Variants in SYNDIG1L observed in about 807,000 individuals in gnomAD.
The protein encoded by SYNDIG1L is synapse differentiation-inducing gene protein 1-like.
SYNDIG1L carries 13 observed loss-of-function variants against 20.1 expected under a neutral mutation model. The ratio of observed to expected loss-of-function variants is 0.65; its 90% CI spans 0.42 to 1.03. The LOEUF is 1.03. SYNDIG1L is among the 50% of genes least tolerant of loss of function. The probability of loss-of-function intolerance (pLI) is 0.00; values close to 1 mark genes in which losing one functional copy is unlikely to be tolerated. For missense variants in SYNDIG1L, 294 were observed against 305.1 expected (o/e 0.96, Z 0.27); for synonymous variants, 128 against 129.3 (o/e 0.99, Z 0.07).
At chr14:74,446,947 C>A in the SYNDIG1L span, among the ~76,000 whole-genome samples, 1 of 152,058 alleles carries the variant, frequency 6.6e-6, no homozygotes, top group Non-Finnish European at 1.5e-5. Flanking sequence ...GCATTCAAAA[C>A]CTAAGATATG....
Position 74,409,623 on chromosome 14 carries a change from T to C in SYNDIG1L, c.122A>G (p.Tyr41Cys). ...SWSCQEKLYS[Y>C]LLGGAGPAGA... ...GGCAGGCCCAGCGCCACCTAGGAGG[T>C]AGGAGTAGAGCTTTTCCTGGCAGGA... Residue 41 changes from tyrosine (Y) to cysteine (C), a missense_variant, in exon 2 of 4, where the codon TAC (tyrosine) becomes TGC (cysteine). Transcript: ENST00000331628. 2 of 1,503,794 alleles carry C rather than the reference T, an allele frequency of 1.3e-6. No individual in the cohort carries two copies. Among genetic ancestry groups the C allele is most frequent in the Non-Finnish European group, 1.8e-6 (2 of 1,127,742 alleles). The allele number at this position is 1,503,794 out of a possible 1,614,324, so 93.2% of individuals were successfully genotyped here.
chr14:74,430,684 C>A (rs912200593), upstream of SYNDIG1L, among the ~76,000 whole-genome samples: 18 of 152,196 alleles, frequency 1.2e-4, no homozygotes. Flanking sequence ...ATCCACCCGC[C>A]TTGGCCTCCC....
the SYNDIG1L span, among the ~76,000 whole-genome samples, chr14:74,460,863 G>T: frequency 7.9e-5 from 12 of 152,326 alleles, no homozygotes; most frequent in African/African-American, 2.9e-4. Context: ...TGGCCAGGCT[G>T]GTCTTGAACT....
At chr14:74,438,671 A>C in the SYNDIG1L span, among the ~76,000 whole-genome samples, 1 of 152,320 alleles carries the variant, frequency 6.6e-6, no homozygotes, top group South Asian at 2.1e-4. Flanking sequence ...GACCCTGGGC[A>C]ATCTTACATT....
At chr14:74,427,118 CTTTTT>C (rs34437070), upstream of SYNDIG1L, among the ~76,000 whole-genome samples, 47 of 116,774 alleles carry the variant, frequency 4.0e-4, no homozygotes, top group South Asian at 1.4e-3. Flanking sequence ...CCTGCGTTTC[CTTTTT>C]TTTTTTTTTT....
At chr14:74,421,240 G>A (rs940363762) in intron 1 of SYNDIG1L, among the ~76,000 whole-genome samples, 8 of 152,064 alleles carry the variant, frequency 5.3e-5, no homozygotes, top group South Asian at 2.1e-4. Flanking sequence ...AATAATCGCC[G>A]AAATTTTCAA....
At chr14:74,447,586 C>CA in the SYNDIG1L span, among the ~76,000 whole-genome samples, 846 of 131,554 alleles carry the variant, frequency 6.4e-3, 6 homozygotes, top group African/African-American at 0.012. Flanking sequence ...AACTCTGTCT[C>CA]AAAAAAAAAA....
rs1264626033 is a variant in SYNDIG1L, at chr14:74,405,970, G to A, written c.*1565C>T. The A allele has an allele frequency of 2.0e-5, 8 of 398,790 alleles. No individual in the cohort carries two copies. Among genetic ancestry groups the A allele is most frequent in the Admixed American group, 1.3e-4 (3 of 22,714 alleles). 24.7% of individuals were successfully genotyped at this position (398,790 alleles called of 1,614,324 possible). A position where few individuals can be genotyped will look rare whatever the true frequency, so the allele number is the denominator to read the frequency against. On this transcript the variant is annotated 3_prime_UTR_variant, in exon 4 of 4. Coordinates refer to ENST00000331628, the MANE Select transcript of SYNDIG1L (RefSeq NM_001105579.2). ...ACCTTAAAACTGCTGTGATGCAGGAGTGGAGGGCTGGGCAGTGCCCGAGGC... is the reference window on the plus strand; with the variant it reads ...ACCTTAAAACTGCTGTGATGCAGGAATGGAGGGCTGGGCAGTGCCCGAGGC...
chr14:74,435,727 G>C, the SYNDIG1L span, among the ~76,000 whole-genome samples: 2 of 152,194 alleles, frequency 1.3e-5, no homozygotes, highest in South Asian at 4.1e-4. Context: ...ACGACTGCTG[G>C]AACTGGGGCT....
chr14:74,432,199 G>GAA, the SYNDIG1L span, among the ~76,000 whole-genome samples: 18 of 151,398 alleles, frequency 1.2e-4, no homozygotes, highest in African/African-American at 4.1e-4. Flanking sequence ...GAGAGAGAGA[G>GAA]AAAGGGAGAA....
At chr14:74,408,515 G>A (rs1436156616) in intron 2 of SYNDIG1L, among the ~76,000 whole-genome samples, 2 of 147,348 alleles carry the variant, frequency 1.4e-5, no homozygotes, top group Non-Finnish European at 3.0e-5. Flanking sequence ...AGTGAGCTGA[G>A]ATCGCACCTT....
intron 1 of SYNDIG1L, among the ~76,000 whole-genome samples, chr14:74,410,030 G>T (rs945941845): frequency 1.3e-5 from 2 of 152,198 alleles, no homozygotes; most frequent in Non-Finnish European, 2.9e-5. Flanking sequence ...TTAGTCATTT[G>T]TCCATTCAAC....
upstream of SYNDIG1L, among the ~76,000 whole-genome samples, chr14:74,428,323 C>A (rs577532204): frequency 5.3e-4 from 81 of 152,336 alleles, no homozygotes; most frequent in South Asian, 1.0e-3. Context: ...TCACAAGGTA[C>A]AGGGGTGGCT....
the SYNDIG1L span, among the ~76,000 whole-genome samples, chr14:74,471,258 C>T: frequency 1.3e-5 from 2 of 152,100 alleles, no homozygotes; most frequent in Non-Finnish European, 2.9e-5. Context: ...GAAGTAGTTC[C>T]AACTCTCTCT....
At chr14:74,423,052 C>G (rs1439407474) in intron 1 of SYNDIG1L, among the ~76,000 whole-genome samples, 1 of 152,032 alleles carries the variant, frequency 6.6e-6, no homozygotes, top group Admixed American at 6.6e-5. Context: ...CTCAGCAGCC[C>G]CCCCGCCCCC....
the SYNDIG1L span, among the ~76,000 whole-genome samples, chr14:74,463,460 A>T: frequency 6.6e-6 from 1 of 151,916 alleles, no homozygotes; most frequent in Admixed American, 6.6e-5. Context: ...CTGCACACCA[A>T]ACTCTCCATG....
At chr14:74,430,350 G>C (rs1374129146), upstream of SYNDIG1L, among the ~76,000 whole-genome samples, 1 of 152,204 alleles carries the variant, frequency 6.6e-6, no homozygotes, top group Admixed American at 6.5e-5. Flanking sequence ...GGGGGTGCCA[G>C]GGTGGGGCTT....
At chr14:74,419,050 C>T (rs1333570194) in intron 1 of SYNDIG1L, among the ~76,000 whole-genome samples, 1 of 152,146 alleles carries the variant, frequency 6.6e-6, no homozygotes, top group Non-Finnish European at 1.5e-5. Flanking sequence ...AGTGCCATTC[C>T]CCCTTTCGGC....
At chr14:74,473,146 C>T in the SYNDIG1L span, among the ~76,000 whole-genome samples, 2 of 152,100 alleles carry the variant, frequency 1.3e-5, no homozygotes, top group African/African-American at 4.8e-5. Context: ...CTTTGGGAGC[C>T]CGAGGCGGGT....
Sources: allele counts gnomAD v4.1 joint callset (sites outside exome capture counted in the v4.1 genomes callset), GRCh38; gene constraint gnomAD v4.1.1; transcripts MANE v1.5; gene names NCBI Gene and HGNC (gene_info 2026-07-23, HGNC 2026-07-21).